RNF20: variants seen among roughly 807,000 people sequenced by gnomAD.
RNF20 encodes the protein E3 ubiquitin-protein ligase BRE1A.
RNF20 carries 84 observed loss-of-function variants against 126.2 expected under a neutral mutation model. The ratio of observed to expected loss-of-function variants is 0.67; its 90% CI spans 0.56 to 0.80. The LOEUF is 0.80. Ranked by LOEUF, RNF20 falls within the 30% of genes least tolerant of loss-of-function variation. The pLI, the probability that RNF20 is intolerant of heterozygous loss-of-function variation, is 0.00. For missense variants in RNF20, 869 were observed against 1,188.2 expected (o/e 0.73, Z 3.95); for synonymous variants, 400 against 414.3 (o/e 0.97, Z 0.42).
chr9:101,544,646 G>T, intron 5 of RNF20, 121 bp from the exon 6 acceptor site: 2 of 620,958 alleles, frequency 3.2e-6, no homozygotes, highest in Admixed American at 2.6e-5. Flanking sequence ...GGCAGAGGTT[G>T]CAGTGAGCCG....
chr9:101,554,755 A>G lies in RNF20; in HGVS notation c.2081A>G (p.Lys694Arg). ...GATAAAGAGAAGAAAGAGAACAAGA[A>G]AATGGCTGATGAGGATGCCTTGAGG... ...LEDKEKKENKKMADEDALRKI... is the reference protein window; with the variant it reads ...LEDKEKKENKRMADEDALRKI... The change falls in exon 15 of 20, where the codon AAA (lysine) becomes AGA (arginine). Residue 694 changes from lysine (K) to arginine (R), a missense_variant. By Grantham distance (26) the Lys-to-Arg change is conservative. This residue lies in a region of RNF20 where 231 missense variants were observed against 263.6 expected (regional missense o/e 0.88). Coordinates refer to ENST00000389120, the MANE Select transcript of RNF20 (RefSeq NM_019592.7). The G allele has an allele frequency of 6.2e-7, 1 of 1,608,412 alleles. No individual in the cohort carries two copies. Among genetic ancestry groups the G allele is most frequent in the South Asian group, 1.1e-5 (1 of 90,508 alleles).
intron 5 of RNF20, among the ~76,000 whole-genome samples, chr9:101,542,217 G>A (rs774270660): frequency 5.3e-5 from 8 of 152,092 alleles, no homozygotes; most frequent in Non-Finnish European, 1.0e-4. Context: ...ATTTGGTCAC[G>A]GGTTTCTTTT....
Position 101,552,616 on chromosome 9 carries a change from G to T in RNF20, c.1764G>T (p.Lys588Asn). 6.5e-7 allele frequency: 1 copy of T among 1,547,742 alleles called. No individual in the cohort carries two copies. Among genetic ancestry groups the T allele is most frequent in the South Asian group, 1.1e-5 (1 of 89,806 alleles). The change falls in exon 13 of 20, where the codon AAG becomes AAT. Residue 588 changes from lysine (K) to asparagine (N), a missense_variant. By Grantham distance (94) the Lys-to-Asn change is moderately conservative. Around this residue, in one of 8 missense-constraint regions of RNF20, gnomAD observed 231 missense variants for 263.6 expected, o/e 0.88. Transcript: ENST00000389120. Reference protein sequence around the residue: ...REREREREKEKEREREKQKLK... With the variant: ...REREREREKENEREREKQKLK... ...GAGAAAGAGAACGGGAGAAGGAGAA[G>T]GAGAGAGAACGAGAGAAGCAGAAGC...
In RNF20 at chr9:101,554,767, A is replaced by T. The variant is rs1233041263; in HGVS notation, c.2093A>T (p.Glu698Val). 6.2e-7 allele frequency: 1 copy of T among 1,604,772 alleles called. No individual in the cohort carries two copies. Reference protein sequence around the residue: ...EKKENKKMADEDALRKIRAVE... With the variant: ...EKKENKKMADVDALRKIRAVE... ...AAAGAGAACAAGAAAATGGCTGATG[A>T]GGATGCCTTGAGGAAGATCCGGGCA... Residue 698 changes from glutamate (E) to valine (V), a missense_variant, in exon 15 of 20, where the codon GAG becomes GTG. Glu to Val is a moderately radical substitution (Grantham distance 121, BLOSUM62 -2). Coordinates refer to ENST00000389120, the MANE Select transcript of RNF20 (RefSeq NM_019592.7).
In RNF20 at chr9:101,562,027, T is replaced by G. The variant is rs1216037138; in HGVS notation, c.2751+16T>G. On this transcript the variant is annotated intron_variant, in intron 19 of 19. Transcript: ENST00000389120. ...GGATTACAAGGTTAGAAAAAATGCC[T>G]TAGTGATTAGTTTTTTGTCAAAGCT... 2.6e-6 allele frequency: 4 copies of G among 1,557,744 alleles called. No individual in the cohort carries two copies. The South Asian group carries it at 3.4e-5, about 13-fold the overall frequency.
Position 101,561,928 on chromosome 9 carries a change from C to T in RNF20, c.2668C>T (p.Arg890Cys), listed in dbSNP as rs1827633905. The T allele has an allele frequency of 2.5e-6, 4 of 1,612,900 alleles. No homozygotes were observed. The highest frequency in any genetic ancestry group is 3.4e-6 in the Non-Finnish European group (4 of 1,178,980). Residue 890 changes from arginine to cysteine, a missense_variant, in exon 19 of 20, where the codon CGC becomes TGC. This residue lies in a region of RNF20 where 150 missense variants were observed against 173.7 expected (regional missense o/e 0.86). Transcript: ENST00000389120. ...GCCACAGGAGGACATCTCTAGACTT[C>T]GCAGGAAGCTGGAGACCACAAAGAA... ...KRAQEDISRL[R>C]RKLETTKKPD...
chr9:101,541,038 T>C (rs1355008501), intron 5 of RNF20, 63 bp downstream of exon 5: 1 of 1,291,512 alleles, frequency 7.7e-7, no homozygotes, highest in South Asian at 1.5e-5. Flanking sequence ...TTTTGCATGC[T>C]AATTTGTAGT....
Position 101,552,741 on chromosome 9 carries a change from A to C in RNF20, c.1889A>C (p.Lys630Thr). The part of the protein sequence containing the change: ...KKEAEIIKQL[K>T]IELKKAQESQ... ...GAAGCAGAAATTATCAAACAATTGA[A>C]GATTGAACTCAAGTAAGAACCACAT... is the stretch of plus-strand genomic sequence containing the variant. Residue 630 changes from lysine to threonine, a missense_variant, in exon 13 of 20, where the codon AAG (lysine) becomes ACG (threonine). By Grantham distance (78) the Lys-to-Thr change is moderately conservative (BLOSUM62 -1). Transcript: ENST00000389120. 6.2e-7 allele frequency: 1 copy of C among 1,606,608 alleles called. No homozygotes were observed. The highest frequency in any genetic ancestry group is 8.5e-7 in the Non-Finnish European group (1 of 1,175,862).
chr9:101,544,502 TTGAGACCAGCCTGTC>T, intron 5 of RNF20, among the ~76,000 whole-genome samples: 1 of 152,140 alleles, frequency 6.6e-6, no homozygotes, highest in East Asian at 1.9e-4. Flanking sequence ...GGTCAGGAGT[TTGAGACCAGCCTGTC>T]CGACATGGTG....
Position 101,562,260 on chromosome 9 carries a change from T to G in RNF20, c.2766T>G (p.Cys922Trp). The G allele has an allele frequency of 6.2e-7, 1 of 1,613,636 alleles. No individual in the cohort carries two copies. Among genetic ancestry groups the G allele is most frequent in the Non-Finnish European group, 8.5e-7 (1 of 1,179,720 alleles). The change falls in exon 20 of 20, where the codon TGT (cysteine) becomes TGG (tryptophan). Residue 922 changes from cysteine to tryptophan, a missense_variant. Physicochemically the swap from Cys to Trp is radical, Grantham distance 215. Transcript: ENST00000389120. ...TTTCTTTTTAGGCACGCTTGACCTG[T>G]CCGTGCTGTAACATGCGTAAAAAGG... The part of the protein sequence containing the change: ...EIKDYKARLT[C>W]PCCNMRKKDA...
intron 3 of RNF20, 49 bp from the exon 4 acceptor site, chr9:101,540,441 C>T: frequency 1.2e-6 from 2 of 1,610,654 alleles, no homozygotes; most frequent in Non-Finnish European, 1.7e-6. Flanking sequence ...CTCTTCATTT[C>T]CAAAGTTGTG....
intron 9 of RNF20, 84 bp from the exon 10 acceptor site, chr9:101,550,522 C>T (rs563986372): frequency 1.8e-6 from 2 of 1,088,584 alleles, no homozygotes; most frequent in East Asian, 4.7e-5. Context: ...TGTAGGACAT[C>T]AGTGAGTTCA....
In RNF20 at chr9:101,546,835, A is replaced by G. The variant is rs1827355502; in HGVS notation, c.763A>G (p.Ser255Gly). ...TMSQEFSKLQ[S>G]KVETAESRVS... ...TGGGATGTAGTTCTCCAAGTTGCAGAGTAAAGTGGAGACAGCCGAATCACG... is the reference window on the plus strand; with the variant it reads ...TGGGATGTAGTTCTCCAAGTTGCAGGGTAAAGTGGAGACAGCCGAATCACG... The change falls in exon 7 of 20, where the codon AGT becomes GGT. Residue 255 changes from serine to glycine, a missense_variant. Coordinates refer to ENST00000389120, the MANE Select transcript of RNF20 (RefSeq NM_019592.7). 1 of 1,614,140 alleles carries G rather than the reference A, an allele frequency of 6.2e-7. No homozygotes were observed. The highest frequency in any genetic ancestry group is 8.5e-7 in the Non-Finnish European group (1 of 1,180,000).
At chr9:101,555,391 G>T (rs1827516917) in intron 15 of RNF20, among the ~76,000 whole-genome samples, 2 of 151,568 alleles carry the variant, frequency 1.3e-5, no homozygotes, top group African/African-American at 2.4e-5. Context: ...GCTATTTTGG[G>T]GTCATAGAAC....
chr9:101,561,404 T>G, intron 18 of RNF20, 174 bp downstream of exon 18: 1 of 636,202 alleles, frequency 1.6e-6, no homozygotes. Flanking sequence ...TCAGACTCTT[T>G]TATGGTGCCT....
chr9:101,553,886 T>G (rs1827487925), intron 13 of RNF20, 102 bp from the exon 14 acceptor site: 1 of 634,550 alleles, frequency 1.6e-6, no homozygotes, highest in African/African-American at 1.8e-5. Context: ...AAATGTAAAA[T>G]GAAACTGTTT....
intron 2 of RNF20, among the ~76,000 whole-genome samples, chr9:101,538,328 G>T (rs1288201469): frequency 3.3e-5 from 5 of 152,160 alleles, no homozygotes; most frequent in Non-Finnish European, 1.5e-5. Context: ...ATGATGACAG[G>T]AAAAGTATTG....
chr9:101,535,877 A>C (rs1302977400), intron 2 of RNF20, among the ~76,000 whole-genome samples: 1 of 152,228 alleles, frequency 6.6e-6, no homozygotes, highest in South Asian at 2.1e-4. Flanking sequence ...CCAGATTCTA[A>C]GAGACAGTTT....
chr9:101,555,314 T>A (rs902610294), intron 15 of RNF20, among the ~76,000 whole-genome samples: 8 of 151,978 alleles, frequency 5.3e-5, no homozygotes, highest in Non-Finnish European at 1.0e-4. Context: ...ATATGTGATT[T>A]ATATATAATA....
Sources: gnomAD v4.1 joint callset for allele counts (sites outside exome capture counted in the v4.1 genomes callset) on GRCh38, gnomAD v4.1.1 for gene constraint, gnomAD v4.1.1 regional missense constraint, MANE v1.5 for transcripts, NCBI Gene and HGNC (gene_info 2026-07-23, HGNC 2026-07-21) for gene names.